Variants in KCTD16 observed in about 807,000 individuals in gnomAD.
KCTD16 encodes the protein potassium channel tetramerization domain containing 16, also known as BTB/POZ domain-containing protein KCTD16.
A neutral mutation model predicts 33.2 loss-of-function variants in KCTD16; 13 were observed. The observed-to-expected ratio is 0.39, with a 90% CI of 0.25 to 0.62. KCTD16 has a LOEUF of 0.62. KCTD16 is among the 20% of genes least tolerant of loss of function. The pLI is 0.50. For missense variants in KCTD16, 441 were observed against 525.1 expected (o/e 0.84, Z 1.57); for synonymous variants, 197 against 195.3 (o/e 1.01, Z -0.07).
chr5:144,281,798 G>A (rs542045372), intron 3 of KCTD16, among the ~76,000 whole-genome samples: 18 of 152,196 alleles, frequency 1.2e-4, no homozygotes, highest in East Asian at 5.8e-4. Context: ...GTTTCCACCC[G>A]TAATTGTGGA....
chr5:144,171,468 A>G (rs1193744896), intron 1 of KCTD16, among the ~76,000 whole-genome samples: 1 of 152,194 alleles, frequency 6.6e-6, no homozygotes, highest in Non-Finnish European at 1.5e-5. Flanking sequence ...AGCATTATTA[A>G]CATTTTGAGT....
chr5:144,317,292 G>T (rs1751945921), intron 3 of KCTD16, among the ~76,000 whole-genome samples: 1 of 152,060 alleles, frequency 6.6e-6, no homozygotes, highest in Non-Finnish European at 1.5e-5. Context: ...AAAAGAAATA[G>T]AACTGAATAT....
chr5:144,417,192 G>A (rs1279951783), intron 3 of KCTD16, among the ~76,000 whole-genome samples: 1 of 152,104 alleles, frequency 6.6e-6, no homozygotes, highest in African/African-American at 2.4e-5. Flanking sequence ...TTCTGGAGTG[G>A]CTGAATATTC....
chr5:144,272,690 A>G (rs1755331665), intron 3 of KCTD16, among the ~76,000 whole-genome samples: 2 of 152,186 alleles, frequency 1.3e-5, no homozygotes, highest in Admixed American at 1.3e-4. Flanking sequence ...ATATGGTCAA[A>G]TGATTTTTGA....
intron 3 of KCTD16, among the ~76,000 whole-genome samples, chr5:144,282,645 G>A (rs937257212): frequency 1.1e-4 from 16 of 152,308 alleles, no homozygotes; most frequent in African/African-American, 3.8e-4. Context: ...GTTTAGTGTT[G>A]TGTTGAGTGG....
At chr5:144,406,156 C>T (rs142015915) in intron 3 of KCTD16, among the ~76,000 whole-genome samples, 3 of 152,318 alleles carry the variant, frequency 2.0e-5, no homozygotes, top group Non-Finnish European at 4.4e-5. Context: ...AGGAAGCACC[C>T]TGAGAATTCC....
chr5:144,258,993 T>G (rs945040576), intron 3 of KCTD16, among the ~76,000 whole-genome samples: 1 of 151,972 alleles, frequency 6.6e-6, no homozygotes, highest in Admixed American at 6.5e-5. Context: ...GTGCGGTGGC[T>G]CACGCCTGTA....
intron 3 of KCTD16, among the ~76,000 whole-genome samples, chr5:144,461,743 C>T (rs1304814888): frequency 6.6e-6 from 1 of 152,234 alleles, no homozygotes; most frequent in Admixed American, 6.5e-5. Flanking sequence ...CACCCTCACA[C>T]TCACTCTTTA....
intron 3 of KCTD16, among the ~76,000 whole-genome samples, chr5:144,445,433 G>A (rs1042472045): frequency 1.3e-5 from 2 of 151,970 alleles, no homozygotes; most frequent in Non-Finnish European, 2.9e-5. Flanking sequence ...TTTATTGTCT[G>A]GAAGAGTGTT....
chr5:144,346,734 T>C (rs1375779916), intron 3 of KCTD16, among the ~76,000 whole-genome samples: 1 of 152,210 alleles, frequency 6.6e-6, no homozygotes, highest in Non-Finnish European at 1.5e-5. Context: ...TTATTTGAGC[T>C]CCTTATACAT....
chr5:144,417,632 A>G (rs1374867441), intron 3 of KCTD16, among the ~76,000 whole-genome samples: 4 of 151,744 alleles, frequency 2.6e-5, no homozygotes, highest in Non-Finnish European at 5.9e-5. Flanking sequence ...ATTTATTTTT[A>G]TTTTGTTTTT....
At chr5:144,311,307 A>G (rs1751762521) in intron 3 of KCTD16, among the ~76,000 whole-genome samples, 1 of 152,222 alleles carries the variant, frequency 6.6e-6, no homozygotes, top group African/African-American at 2.4e-5. Flanking sequence ...AGACAATAGT[A>G]GTAGTATCTA....
chr5:144,409,627 G>T (rs1406614601), intron 3 of KCTD16, among the ~76,000 whole-genome samples: 2 of 152,018 alleles, frequency 1.3e-5, no homozygotes, highest in African/African-American at 4.8e-5. Context: ...GGGAGGCCGA[G>T]GTGGGCAGAT....
At chr5:144,345,659 G>C (rs1222886691) in intron 3 of KCTD16, among the ~76,000 whole-genome samples, 1 of 152,030 alleles carries the variant, frequency 6.6e-6, no homozygotes, top group Admixed American at 6.6e-5. Flanking sequence ...TGCTGTTAGG[G>C]AACTTAAATT....
intron 3 of KCTD16, among the ~76,000 whole-genome samples, chr5:144,396,985 A>G (rs1164025463): frequency 6.6e-6 from 1 of 150,776 alleles, no homozygotes; most frequent in East Asian, 1.9e-4. Context: ...CAGGTTTGTT[A>G]CATATGTATA....
chr5:144,185,203 TAG>T (rs1190016376), intron 2 of KCTD16, among the ~76,000 whole-genome samples: 25 of 152,198 alleles, frequency 1.6e-4, no homozygotes, highest in Admixed American at 1.6e-3. Context: ...GAAGTTGATT[TAG>T]AGTCTATGCA....
intron 3 of KCTD16, among the ~76,000 whole-genome samples, chr5:144,287,505 C>T (rs996832589): frequency 6.6e-6 from 1 of 152,164 alleles, no homozygotes; most frequent in Non-Finnish European, 1.5e-5. Flanking sequence ...AGTAATCCAT[C>T]CAAGATTAAT....
At chr5:144,361,624 T>C (rs1051763640) in intron 3 of KCTD16, among the ~76,000 whole-genome samples, 4 of 152,204 alleles carry the variant, frequency 2.6e-5, no homozygotes, top group African/African-American at 9.7e-5. Context: ...CCTCAGGCTA[T>C]GCAATCCTTT....
At chr5:144,460,958 C>A (rs1754180435) in intron 3 of KCTD16, among the ~76,000 whole-genome samples, 2 of 152,172 alleles carry the variant, frequency 1.3e-5, no homozygotes, top group Admixed American at 1.3e-4. Flanking sequence ...CACAGCTCTT[C>A]TCAAATCTTT....
Sources: allele counts gnomAD v4.1 joint callset (sites outside exome capture counted in the v4.1 genomes callset), GRCh38; gene constraint gnomAD v4.1.1; transcripts MANE v1.5; gene names NCBI Gene and HGNC (gene_info 2026-07-23, HGNC 2026-07-21).